The following SPOCK3 variants were observed in gnomAD, a reference collection of about 807,000 sequenced individuals.
The protein encoded by SPOCK3 is SPARC (osteonectin), cwcv and kazal like domains proteoglycan 3, also known as testican-3.
SPOCK3 carries 30 observed loss-of-function variants against 56.6 expected under a neutral mutation model. That is an observed-to-expected ratio of 0.53 (90% CI 0.40 to 0.72). SPOCK3 has a LOEUF of 0.72. Ranked by LOEUF, SPOCK3 falls within the 30% of genes least tolerant of loss-of-function variation. The pLI, the probability that SPOCK3 is intolerant of heterozygous loss-of-function variation, is 0.00. For synonymous variants in SPOCK3, 196 were observed against 183.3 expected (o/e 1.07, Z -0.56); for missense variants, 527 against 530.0 (o/e 0.99, Z 0.06).
intron 3 of SPOCK3, among the ~76,000 whole-genome samples, chr4:167,038,362 T>C (rs1395138463): frequency 6.6e-6 from 1 of 152,226 alleles, no homozygotes. Flanking sequence ...GCATACTTTC[T>C]TCATCTCTTA....
intron 5 of SPOCK3, among the ~76,000 whole-genome samples, chr4:166,890,574 A>T (rs1171054095): frequency 6.6e-6 from 1 of 151,940 alleles, no homozygotes; most frequent in African/African-American, 2.4e-5. Flanking sequence ...TTCTTTGTAA[A>T]CATTACTCCT....
chr4:167,001,947 ATTTAT>A (rs139670258), intron 3 of SPOCK3, among the ~76,000 whole-genome samples: 4,170 of 151,534 alleles, frequency 0.028, 183 homozygotes, highest in African/African-American at 0.096. Flanking sequence ...AATGCATTTT[ATTTAT>A]TTTATTATAT....
At chr4:166,995,338 C>A (rs1471322238) in intron 4 of SPOCK3, among the ~76,000 whole-genome samples, 1 of 151,826 alleles carries the variant, frequency 6.6e-6, no homozygotes, top group East Asian at 1.9e-4. Context: ...GAAGAGGAAT[C>A]AAACAATGTT....
chr4:167,141,370 A>C (rs1362438877), intron 2 of SPOCK3, among the ~76,000 whole-genome samples: 1 of 152,016 alleles, frequency 6.6e-6, no homozygotes, highest in African/African-American at 2.4e-5. Context: ...ACAACACCAC[A>C]TTTCTAGTTT....
At chr4:166,907,210 T>C (rs1443481879) in intron 5 of SPOCK3, among the ~76,000 whole-genome samples, 1 of 152,066 alleles carries the variant, frequency 6.6e-6, no homozygotes, top group Non-Finnish European at 1.5e-5. Flanking sequence ...CTCATTGCAT[T>C]ATATCTTCCC....
chr4:166,791,270 C>T (rs966860932), intron 7 of SPOCK3, among the ~76,000 whole-genome samples: 1 of 152,000 alleles, frequency 6.6e-6, no homozygotes, highest in Non-Finnish European at 1.5e-5. Flanking sequence ...ATAAATAAGG[C>T]ATTTTAGGAA....
chr4:167,044,741 T>A (rs1003464133), intron 3 of SPOCK3, among the ~76,000 whole-genome samples: 3 of 152,132 alleles, frequency 2.0e-5, no homozygotes, highest in African/African-American at 7.2e-5. Context: ...CTTTCTGTTA[T>A]TGATTTCAAC....
intron 9 of SPOCK3, 67 bp from the exon 10 acceptor site, chr4:166,737,671 T>C: frequency 6.6e-7 from 1 of 1,504,434 alleles, no homozygotes; most frequent in Non-Finnish European, 9.0e-7. Flanking sequence ...TGCTCCTTTC[T>C]GAGAAGCACC....
At chr4:166,834,513 G>A (rs1746410454) in intron 6 of SPOCK3, among the ~76,000 whole-genome samples, 1 of 152,122 alleles carries the variant, frequency 6.6e-6, no homozygotes, top group Non-Finnish European at 1.5e-5. Context: ...AAATTCAATT[G>A]GGAACCATTG....
rs183549779 is a variant in SPOCK3 at position 166,869,894 on chromosome 4, A to G, written c.589+19236T>C. 5.3e-5 allele frequency among the ~76,000 whole-genome samples: 8 copies of G among 152,200 alleles called. No homozygotes were observed. The East Asian group carries it at 1.4e-3, about 26-fold the overall frequency. ...CATAAACAAGTAGAAACACTTAAACAGTAATTTTTATTAATTGCTGGAGGC... is the reference window on the plus strand; with the variant it reads ...CATAAACAAGTAGAAACACTTAAACGGTAATTTTTATTAATTGCTGGAGGC... On this transcript the variant is annotated intron_variant, in intron 6 of 10. Transcript: ENST00000357545.
At chr4:166,821,592 T>C (rs528659749) in intron 6 of SPOCK3, among the ~76,000 whole-genome samples, 1 of 152,128 alleles carries the variant, frequency 6.6e-6, no homozygotes, top group African/African-American at 2.4e-5. Context: ...AATGAAATAC[T>C]ATGCAGCAAT....
chr4:167,216,476 A>T (rs1735373175), intron 2 of SPOCK3, among the ~76,000 whole-genome samples: 1 of 152,126 alleles, frequency 6.6e-6, no homozygotes, highest in South Asian at 2.1e-4. Flanking sequence ...AGGGATGGAT[A>T]ATGAGGATCT....
rs578060356 is a variant in SPOCK3, at chr4:167,119,252, T to C, written c.190-56715A>G. Among the ~76,000 whole-genome samples the C allele has an allele frequency of 2.0e-5, 3 of 152,246 alleles. No individual in the cohort carries two copies. The East Asian group carries it at 5.8e-4, about 29-fold the overall frequency. ...AATTCCTATTGATTATGTTGGAATG[T>C]AGGCTCTAAGAGAGGTGAAGAGCAG... On this transcript the variant is annotated intron_variant, in intron 2 of 10. Transcript: ENST00000357545.
chr4:166,892,398 C>G (rs982413892), intron 5 of SPOCK3, among the ~76,000 whole-genome samples: 1 of 151,736 alleles, frequency 6.6e-6, no homozygotes, highest in African/African-American at 2.4e-5. Flanking sequence ...TGTATATAAT[C>G]ATATGATTTT....
chr4:167,106,258 C>T (rs1760131640), intron 2 of SPOCK3, among the ~76,000 whole-genome samples: 1 of 151,420 alleles, frequency 6.6e-6, no homozygotes, highest in Admixed American at 6.6e-5. Flanking sequence ...TAAAATATTC[C>T]AAAAAAATGA....
chr4:167,083,777 T>C (rs1430038820), intron 2 of SPOCK3, among the ~76,000 whole-genome samples: 1 of 152,166 alleles, frequency 6.6e-6, no homozygotes, highest in Non-Finnish European at 1.5e-5. Context: ...TTATTAATTT[T>C]CTTTGTTCAT....
intron 4 of SPOCK3, among the ~76,000 whole-genome samples, chr4:166,946,504 T>A (rs1244732084): frequency 6.6e-6 from 1 of 152,182 alleles, no homozygotes; most frequent in Non-Finnish European, 1.5e-5. Context: ...CTCTAGCTTT[T>A]CTTTCTGCCC....
At chr4:167,100,742 T>C (rs183815711) in intron 2 of SPOCK3, among the ~76,000 whole-genome samples, 10 of 152,308 alleles carry the variant, frequency 6.6e-5, no homozygotes, top group Middle Eastern at 3.4e-3. Flanking sequence ...AATTTATAAG[T>C]AGATAATCTC....
chr4:167,124,042 G>GC (rs1378793723), intron 2 of SPOCK3, among the ~76,000 whole-genome samples: 1 of 152,012 alleles, frequency 6.6e-6, no homozygotes, highest in African/African-American at 2.4e-5. Flanking sequence ...ACCACGCCCT[G>GC]CCCCAAAAAG....
Sources: allele counts gnomAD v4.1 joint callset (sites outside exome capture counted in the v4.1 genomes callset), GRCh38; gene constraint gnomAD v4.1.1; transcripts MANE v1.5; gene names NCBI Gene and HGNC (gene_info 2026-07-23, HGNC 2026-07-21).